NAALADL2: variants seen among roughly 807,000 people sequenced by gnomAD.
The protein encoded by NAALADL2 is inactive N-acetylated-alpha-linked acidic dipeptidase-like protein 2.
Under a neutral mutation model 87.2 loss-of-function variants are expected in NAALADL2, and 76 were observed. The ratio of observed to expected loss-of-function variants is 0.87; its 90% CI spans 0.72 to 1.05. The LOEUF (loss-of-function observed/expected upper bound fraction) is 1.05, where lower values mean the gene tolerates loss of function less well. Ranked by LOEUF, NAALADL2 falls within the 50% of genes least tolerant of loss-of-function variation. The pLI is 0.00. For synonymous variants in NAALADL2, 354 were observed against 331.0 expected (o/e 1.07, Z -0.75); for missense variants, 1,089 against 945.8 (o/e 1.15, Z -1.99).
chr3:175,544,343 T>G (rs1004115930), intron 9 of NAALADL2, among the ~76,000 whole-genome samples: 19 of 152,208 alleles, frequency 1.2e-4, no homozygotes, highest in African/African-American at 4.3e-4. Flanking sequence ...ATTTATTGGC[T>G]TACAGCTTTA....
chr3:175,510,619 C>A (rs1389675087), intron 9 of NAALADL2, among the ~76,000 whole-genome samples: 3 of 152,182 alleles, frequency 2.0e-5, no homozygotes, highest in Non-Finnish European at 2.9e-5. Context: ...ACCTCAGTCA[C>A]TTTTGCAACA....
intron 3 of NAALADL2, among the ~76,000 whole-genome samples, chr3:175,249,243 A>C (rs960495374): frequency 6.6e-6 from 1 of 152,074 alleles, no homozygotes; most frequent in Non-Finnish European, 1.5e-5. Flanking sequence ...AATTTTATTT[A>C]TTACCTGAAA....
intron 9 of NAALADL2, among the ~76,000 whole-genome samples, chr3:175,497,242 T>A (rs937883316): frequency 2.6e-5 from 4 of 152,090 alleles, no homozygotes; most frequent in Non-Finnish European, 5.9e-5. Context: ...CAACTGGCTA[T>A]CAGACAGCTG....
intron 9 of NAALADL2, among the ~76,000 whole-genome samples, chr3:175,486,952 C>T (rs1727366428): frequency 6.6e-6 from 1 of 152,164 alleles, no homozygotes; most frequent in Admixed American, 6.6e-5. Context: ...AAGATGATTT[C>T]AGTAGCCTTT....
chr3:175,237,599 GT>G (rs1746120548), intron 3 of NAALADL2, among the ~76,000 whole-genome samples: 1 of 152,052 alleles, frequency 6.6e-6, no homozygotes, highest in Admixed American at 6.6e-5. Flanking sequence ...AAATGAAACA[GT>G]TGTTTTTCTT....
At chr3:175,468,153 G>A (rs1245884050) in intron 8 of NAALADL2, among the ~76,000 whole-genome samples, 1 of 137,160 alleles carries the variant, frequency 7.3e-6, no homozygotes, top group East Asian at 1.9e-4. Context: ...GTATAGAAAA[G>A]AAGATAGCAA....
At chr3:175,519,890 A>T (rs918860092) in intron 9 of NAALADL2, among the ~76,000 whole-genome samples, 41 of 152,204 alleles carry the variant, frequency 2.7e-4, no homozygotes, top group Non-Finnish European at 4.0e-4. Context: ...TTTCACTAGG[A>T]TACGCAATTA....
intron 11 of NAALADL2, among the ~76,000 whole-genome samples, chr3:175,715,486 A>T (rs561466605): frequency 6.6e-6 from 1 of 152,298 alleles, no homozygotes; most frequent in South Asian, 2.1e-4. Flanking sequence ...AAATGTTATT[A>T]TTAGATGTCT....
intron 4 of NAALADL2, among the ~76,000 whole-genome samples, chr3:175,288,767 T>A (rs9872696): frequency 0.73 from 110,269 of 152,018 alleles, 40,541 homozygotes; most frequent in Non-Finnish European, 0.79. Context: ...TCTGGTAGCA[T>A]ACTTGCATTA....
rs151302399 is a variant in NAALADL2, at chr3:174,641,132, G to T, written c.-115+90495G>T. ...GCTCAGGTGCGCCCTTTAAGAGGCC[G>T]GAAGCTGCAGAGCCGCCCCCTCCTG... On this transcript the variant is annotated intron_variant, in intron 2 of 3. Coordinates refer to the NAALADL2 transcript ENST00000434257. Among the ~76,000 whole-genome samples the T allele has an allele frequency of 7.5e-3, 1,136 of 152,244 alleles. 12 individuals carry two copies. Among genetic ancestry groups the T allele is most frequent in the African/African-American group, 0.026 (1,079 of 41,572 alleles).
chr3:175,250,586 G>C (rs942487816), intron 3 of NAALADL2, among the ~76,000 whole-genome samples: 1 of 152,116 alleles, frequency 6.6e-6, no homozygotes, highest in South Asian at 2.1e-4. Context: ...CCTCAACAGT[G>C]TCTTTCTCTA....
Position 174,705,800 on chromosome 3 carries a change from AAT to A in NAALADL2, c.-114-31840_-114-31839del, listed in dbSNP as rs1491025049. Among the ~76,000 whole-genome samples the A allele has an allele frequency of 4.1e-3, 625 of 151,736 alleles. 3 individuals are homozygous for A. Among genetic ancestry groups the A allele is most frequent in the African/African-American group, 0.015 (600 of 41,318 alleles). ...TCCGTCTCAAAAAAAAAAAAAAAAA[AAT>A]GTCAGTTCTGGGTCTCTTAAATTAT... On this transcript the variant is annotated intron_variant, in intron 2 of 3. Transcript: ENST00000434257.
At chr3:174,485,964 A>T (rs1717832228) in intron 1 of NAALADL2, among the ~76,000 whole-genome samples, 1 of 151,946 alleles carries the variant, frequency 6.6e-6, no homozygotes, top group Non-Finnish European at 1.5e-5. Context: ...CTAGCCAATT[A>T]TCCCAGCACC....
chr3:174,825,684 C>A lies in NAALADL2; in HGVS notation c.-9+87938C>A, dbSNP rs192107011. Among the ~76,000 whole-genome samples the A allele has an allele frequency of 7.9e-5, 12 of 152,312 alleles. No individual in the cohort carries two copies. In the East Asian group the frequency reaches 1.9e-3, roughly 24 times the overall value. ...CCTTCTTCCCTATTCCTTAAACATTCCTGTGGCTGACGCCTCAAATTTTCG... is the reference window on the plus strand; with the variant it reads ...CCTTCTTCCCTATTCCTTAAACATTACTGTGGCTGACGCCTCAAATTTTCG... On this transcript the variant is annotated intron_variant, in intron 3 of 3. Coordinates refer to the NAALADL2 transcript ENST00000434257.
In NAALADL2 at chr3:174,491,866, T is replaced by C. The variant is rs188315652; in HGVS notation, c.-184+50834T>C. Among the ~76,000 whole-genome samples the C allele has an allele frequency of 1.8e-4, 28 of 152,354 alleles. 1 individual carries two copies. The East Asian group carries it at 5.4e-3, about 29-fold the overall frequency. On this transcript the variant is annotated intron_variant, in intron 1 of 3. Transcript: ENST00000434257. ...CACTTTTGTCAAGAGAAATGAACTT[T>C]TTCAAATGAATGTTTATTTTTTCTC...
intron 1 of NAALADL2, among the ~76,000 whole-genome samples, chr3:174,965,826 T>A (rs1742787426): frequency 6.6e-6 from 1 of 152,092 alleles, no homozygotes; most frequent in Non-Finnish European, 1.5e-5. Context: ...GGGTAATTTT[T>A]ACAGTATGGT....
chr3:175,367,980 T>C (rs1475304590), intron 5 of NAALADL2, among the ~76,000 whole-genome samples: 3 of 152,192 alleles, frequency 2.0e-5, no homozygotes, highest in Non-Finnish European at 4.4e-5. Context: ...CATTATGATA[T>C]TGGCTGTGGG....
At chr3:174,819,738 A>T (rs1721222632) in intron 3 of NAALADL2, among the ~76,000 whole-genome samples, 1 of 151,876 alleles carries the variant, frequency 6.6e-6, no homozygotes, top group African/African-American at 2.4e-5. Flanking sequence ...ACAGAAAAGC[A>T]CAGAAAATAG....
At chr3:175,700,079 C>T (rs1309016251) in intron 11 of NAALADL2, among the ~76,000 whole-genome samples, 1 of 152,054 alleles carries the variant, frequency 6.6e-6, no homozygotes, top group Non-Finnish European at 1.5e-5. Flanking sequence ...CTTATATTTG[C>T]AATCAACTGT....
Sources: gnomAD v4.1 joint callset for allele counts (sites outside exome capture counted in the v4.1 genomes callset) on GRCh38, gnomAD v4.1.1 for gene constraint, MANE v1.5 for transcripts, NCBI Gene and HGNC (gene_info 2026-07-23, HGNC 2026-07-21) for gene names.